GNAQ: variants seen among roughly 807,000 people sequenced by gnomAD.
The protein encoded by GNAQ is G protein subunit alpha q.
In GNAQ, 8 loss-of-function variants were observed where a neutral mutation model predicts 43.9. The observed-to-expected ratio is 0.18, with a 90% CI of 0.11 to 0.33. The LOEUF is 0.33. GNAQ is among the 10% of genes least tolerant of loss of function. The probability of loss-of-function intolerance (pLI) is 1.00; values close to 1 mark genes in which losing one functional copy is unlikely to be tolerated. For synonymous variants in GNAQ, 155 were observed against 170.7 expected, an observed-to-expected ratio of 0.91 and a Z score of 0.71; for missense variants, 158 against 450.8, an observed-to-expected ratio of 0.35 and a Z score of 5.88.
intron 5 of GNAQ, among the ~76,000 whole-genome samples, chr9:77,766,170 A>G (rs777368881): frequency 6.6e-6 from 1 of 152,216 alleles, no homozygotes; most frequent in Non-Finnish European, 1.5e-5. Flanking sequence ...GAATGTTTTT[A>G]GTATCACTGA....
chr9:77,942,334 A>G (rs1421442994), intron 1 of GNAQ, among the ~76,000 whole-genome samples: 1 of 152,218 alleles, frequency 6.6e-6, no homozygotes, highest in East Asian at 1.9e-4. Flanking sequence ...GTCAAGTATT[A>G]TATGAAGGAA....
intron 5 of GNAQ, among the ~76,000 whole-genome samples, chr9:77,757,279 G>A (rs72734790): frequency 0.025 from 3,813 of 151,964 alleles, 71 homozygotes; most frequent in Middle Eastern, 0.041. Context: ...TTTCTAAATC[G>A]GCAAGGCAAC....
At chr9:77,961,850 C>T (rs1439151247) in intron 1 of GNAQ, among the ~76,000 whole-genome samples, 5 of 152,116 alleles carry the variant, frequency 3.3e-5, no homozygotes, top group Non-Finnish European at 5.9e-5. Context: ...AAAGGTGACC[C>T]ATAACTCCAA....
chr9:77,806,001 A>G (rs369126068), intron 3 of GNAQ, among the ~76,000 whole-genome samples: 36 of 152,334 alleles, frequency 2.4e-4, no homozygotes, highest in African/African-American at 7.0e-4. Context: ...CTAGTGCCAA[A>G]TAGGAAAAGG....
chr9:77,744,377 C>A (rs1170888587), intron 5 of GNAQ, among the ~76,000 whole-genome samples: 2 of 152,188 alleles, frequency 1.3e-5, no homozygotes, highest in African/African-American at 4.8e-5. Flanking sequence ...GGATAATTTA[C>A]TCCCTCTTAA....
intron 1 of GNAQ, among the ~76,000 whole-genome samples, chr9:77,933,396 C>T (rs1440478258): frequency 2.0e-5 from 3 of 152,144 alleles, no homozygotes; most frequent in African/African-American, 7.2e-5. Flanking sequence ...CCAGGAGCGG[C>T]GGCTCATGCC....
intron 2 of GNAQ, among the ~76,000 whole-genome samples, chr9:77,903,326 C>G (rs1314876376): frequency 1.3e-5 from 2 of 152,170 alleles, no homozygotes; most frequent in African/African-American, 4.8e-5. Flanking sequence ...GGGTGTTGGA[C>G]GCTAGAGATG....
intron 2 of GNAQ, among the ~76,000 whole-genome samples, chr9:77,841,752 G>A (rs987691010): frequency 3.9e-5 from 6 of 152,240 alleles, no homozygotes; most frequent in Admixed American, 3.3e-4. Flanking sequence ...ACAGGACTAC[G>A]TTCATTATAT....
At chr9:77,797,166 G>A (rs1470842686) in intron 4 of GNAQ, among the ~76,000 whole-genome samples, 1 of 151,988 alleles carries the variant, frequency 6.6e-6, no homozygotes, top group Non-Finnish European at 1.5e-5. Context: ...CCAAGCAGCT[G>A]GGATTACAGG....
intron 2 of GNAQ, among the ~76,000 whole-genome samples, chr9:77,822,619 T>C (rs925549876): frequency 2.0e-5 from 3 of 149,944 alleles, no homozygotes; most frequent in African/African-American, 7.5e-5. Flanking sequence ...AACAAGCTTT[T>C]TGATTAAAAA....
At chr9:77,849,367 C>G (rs190464874) in intron 2 of GNAQ, among the ~76,000 whole-genome samples, 67 of 152,182 alleles carry the variant, frequency 4.4e-4, no homozygotes, top group Admixed American at 1.4e-3. Flanking sequence ...TGCACTACTT[C>G]TCAGCCACAG....
intron 5 of GNAQ, among the ~76,000 whole-genome samples, chr9:77,732,905 C>T (rs1473853883): frequency 6.6e-6 from 1 of 152,180 alleles, no homozygotes; most frequent in Admixed American, 6.5e-5. Flanking sequence ...CTGGGCTCCA[C>T]TTCCACAGAG....
intron 1 of GNAQ, among the ~76,000 whole-genome samples, chr9:77,946,525 C>A (rs1189814537): frequency 6.6e-6 from 1 of 152,212 alleles, no homozygotes; most frequent in Non-Finnish European, 1.5e-5. Context: ...AGTGCCTGCA[C>A]CCCACAAACC....
At chr9:78,030,998 G>T in intron 1 of GNAQ, 102 bp downstream of exon 1, 1 of 885,244 alleles carries the variant, frequency 1.1e-6, no homozygotes, top group Non-Finnish European at 1.5e-6. Flanking sequence ...GGGGCGAACC[G>T]CGGGCGCCGG....
chr9:77,885,225 G>T (rs748461364), intron 2 of GNAQ, among the ~76,000 whole-genome samples: 1 of 152,116 alleles, frequency 6.6e-6, no homozygotes, highest in Non-Finnish European at 1.5e-5. Flanking sequence ...CATCATGCAG[G>T]AGTACCCTGA....
chr9:77,886,749 G>A (rs981692472), intron 2 of GNAQ, among the ~76,000 whole-genome samples: 15 of 152,074 alleles, frequency 9.9e-5, no homozygotes, highest in Non-Finnish European at 4.4e-5. Context: ...GTAAAGAAAA[G>A]CTACTGGCTC....
chr9:77,968,857 A>G (rs1823201845), intron 1 of GNAQ, among the ~76,000 whole-genome samples: 1 of 152,176 alleles, frequency 6.6e-6, no homozygotes, highest in Non-Finnish European at 1.5e-5. Context: ...TGGGGATTTT[A>G]TGGGAAATCA....
At chr9:77,964,936 C>T (rs1823148099) in intron 1 of GNAQ, among the ~76,000 whole-genome samples, 1 of 152,148 alleles carries the variant, frequency 6.6e-6, no homozygotes, top group African/African-American at 2.4e-5. Context: ...TTACAATTCA[C>T]TGTACAACCC....
chr9:77,785,924 C>A (rs1247693812), intron 5 of GNAQ, among the ~76,000 whole-genome samples: 1 of 152,116 alleles, frequency 6.6e-6, no homozygotes, highest in African/African-American at 2.4e-5. Context: ...CAGATTTCAT[C>A]TACTAGATAT....
Sources: gnomAD v4.1 joint callset for allele counts (sites outside exome capture counted in the v4.1 genomes callset) on GRCh38, gnomAD v4.1.1 for gene constraint, MANE v1.5 for transcripts, NCBI Gene and HGNC (gene_info 2026-07-23, HGNC 2026-07-21) for gene names.